MRM1: variants seen among roughly 807,000 people sequenced by gnomAD.
The protein encoded by MRM1 is mitochondrial rRNA methyltransferase 1.
Under a neutral mutation model 25.0 loss-of-function variants are expected in MRM1, and 24 were observed. The ratio of observed to expected loss-of-function variants is 0.96; its 90% CI spans 0.69 to 1.35. The LOEUF is 1.35. Among genes scored for constraint, MRM1 ranks in the 40% most tolerant of loss-of-function variants. MRM1 has a pLI of 0.00. For synonymous variants in MRM1, 188 were observed against 199.2 expected, an observed-to-expected ratio of 0.94 and a Z score of 0.47; for missense variants, 431 against 464.1, an observed-to-expected ratio of 0.93 and a Z score of 0.65.
chr17:36,615,359 T>C, the MRM1 span, among the ~76,000 whole-genome samples: 1 of 152,078 alleles, frequency 6.6e-6, no homozygotes, highest in Non-Finnish European at 1.5e-5. Context: ...ATCTGCAACC[T>C]GAGAAAAAAA....
At chr17:36,610,040 C>T (rs147998491), downstream of MRM1, among the ~76,000 whole-genome samples, 462 of 151,956 alleles carry the variant, frequency 3.0e-3, 6 homozygotes, top group African/African-American at 0.011. Flanking sequence ...ATTCTCCTGC[C>T]TCAGCCTTCC....
chr17:36,614,941 C>A, the MRM1 span, among the ~76,000 whole-genome samples: 1 of 152,318 alleles, frequency 6.6e-6, no homozygotes, highest in Admixed American at 6.5e-5. Flanking sequence ...ACCATTAGCA[C>A]CTCCAGAGAA....
At chr17:36,610,511 C>T (rs1009158749), downstream of MRM1, among the ~76,000 whole-genome samples, 19 of 152,084 alleles carry the variant, frequency 1.2e-4, no homozygotes, top group East Asian at 3.9e-4. Context: ...GGATTACAGG[C>T]GTGAGCCACT....
At chr17:36,608,139 A>G in intron 4 of MRM1, 104 bp from the exon 5 acceptor site, 1 of 1,526,442 alleles carries the variant, frequency 6.6e-7, no homozygotes. Flanking sequence ...CAAAATGGGG[A>G]AATTACATCC....
In MRM1 at chr17:36,602,636, G is replaced by A. The variant is rs745943028; in HGVS notation, c.626G>A (p.Gly209Glu). The A allele has an allele frequency of 6.2e-7, 1 of 1,614,070 alleles. No homozygotes were observed. Among genetic ancestry groups the A allele is most frequent in the Non-Finnish European group, 8.5e-7 (1 of 1,180,020 alleles). Reference sequence around the variant, plus strand: ...GTGTTCTCCACTGATGACCTCACCGGATTTTTACAGGTAATGAGGGGCAAG... The same window carrying A: ...GTGTTCTCCACTGATGACCTCACCGAATTTTTACAGGTAATGAGGGGCAAG... Reference protein sequence around the residue: ...MDVFSTDDLTGFLQTKAQQGW... With the variant: ...MDVFSTDDLTEFLQTKAQQGW... Residue 209 changes from glycine (G) to glutamate (E), a missense_variant, in exon 2 of 5, where the codon GGA becomes GAA. Physicochemically the swap from Gly to Glu is moderately conservative, Grantham distance 98 (BLOSUM62 -2). Transcript: ENST00000614766. The surrounding 1 kb of genome is among the most constrained non-coding windows in gnomAD (Gnocchi z 4.1).
chr17:36,602,197 GC>G lies in MRM1; in HGVS notation c.389del (p.Pro130LeufsTer58). 6.2e-7 allele frequency: 1 copy of G among 1,610,618 alleles called. No individual in the cohort carries two copies. Among genetic ancestry groups the G allele is most frequent in the Non-Finnish European group, 8.5e-7 (1 of 1,177,994 alleles). On this transcript the variant is annotated frameshift_variant, in exon 1 of 5. Transcript: ENST00000614766. LOFTEE classifies it high-confidence loss of function. The surrounding 1 kb of genome is among the most constrained non-coding windows in gnomAD (Gnocchi z 4.1). Reference sequence around the variant, plus strand: ...TGGAGGTGAGCCCGCTGCGGCCCCGGCCTTGGAGAGAGGCCGGGGAGGCGAG... The same window carrying G: ...TGGAGGTGAGCCCGCTGCGGCCCCGGCTTGGAGAGAGGCCGGGGAGGCGAG... The part of the protein sequence containing the change: ...CMEVSPLRPR[P>X]WREAGEASPG...
chr17:36,628,621 G>A, the MRM1 span, among the ~76,000 whole-genome samples: 4 of 152,104 alleles, frequency 2.6e-5, no homozygotes, highest in Non-Finnish European at 5.9e-5. Flanking sequence ...CTGCAGAAGC[G>A]GACCCCCAGA....
intron 2 of MRM1, among the ~76,000 whole-genome samples, chr17:36,606,354 G>T (rs991995699): frequency 6.6e-6 from 1 of 151,916 alleles, no homozygotes; most frequent in African/African-American, 2.4e-5. Flanking sequence ...GACTGGATCA[G>T]CAGATAAATG....
the MRM1 span, among the ~76,000 whole-genome samples, chr17:36,622,298 G>A: frequency 6.6e-6 from 1 of 152,080 alleles, no homozygotes; most frequent in Non-Finnish European, 1.5e-5. Flanking sequence ...CAGACTGGGC[G>A]TGGTGGCTCA....
downstream of MRM1, among the ~76,000 whole-genome samples, chr17:36,610,000 A>G (rs1419545415): frequency 1.3e-5 from 2 of 152,044 alleles, no homozygotes; most frequent in East Asian, 1.9e-4. Context: ...ATCTTGGCTC[A>G]CTGCATCCTC....
At chr17:36,624,195 C>A in the MRM1 span, among the ~76,000 whole-genome samples, 1 of 152,218 alleles carries the variant, frequency 6.6e-6, no homozygotes, top group Non-Finnish European at 1.5e-5. The surrounding 1 kb of genome is among the most constrained non-coding windows in gnomAD (Gnocchi z 4.0). Flanking sequence ...GTCCTGGAGC[C>A]TCCCTCAGAC....
chr17:36,626,525 G>A, the MRM1 span, among the ~76,000 whole-genome samples: 2 of 152,100 alleles, frequency 1.3e-5, no homozygotes, highest in African/African-American at 4.8e-5. Flanking sequence ...ACCACACCTG[G>A]CTAATTTTTG....
At chr17:36,621,554 AC>A in the MRM1 span, among the ~76,000 whole-genome samples, 1 of 152,088 alleles carries the variant, frequency 6.6e-6, no homozygotes, top group South Asian at 2.1e-4. Flanking sequence ...TGCACATTGC[AC>A]CCAGAGATCC....
At chr17:36,607,563 C>A in intron 2 of MRM1, 107 bp from the exon 3 acceptor site, 9 of 1,349,296 alleles carry the variant, frequency 6.7e-6, no homozygotes, top group Non-Finnish European at 9.0e-6. Context: ...GTTGAGGCTG[C>A]GGTGAGCTGT....
chr17:36,623,008 C>A, the MRM1 span, among the ~76,000 whole-genome samples: 2 of 152,226 alleles, frequency 1.3e-5, no homozygotes, highest in Non-Finnish European at 2.9e-5. Context: ...GCCCCACGCC[C>A]CAGGGTGGGC....
At chr17:36,603,356 A>G (rs1002997561) in intron 2 of MRM1, 1 of 223,224 alleles carries the variant, frequency 4.5e-6, no homozygotes, top group Non-Finnish European at 7.5e-6. Context: ...TGTGTCCAGT[A>G]TATCCAAAAT....
At chr17:36,619,080 C>T in the MRM1 span, among the ~76,000 whole-genome samples, 1 of 152,200 alleles carries the variant, frequency 6.6e-6, no homozygotes, top group Non-Finnish European at 1.5e-5. Flanking sequence ...TGGCAAACAC[C>T]ATTCTCTGTT....
At chr17:36,610,065 A>G (rs774565515), downstream of MRM1, among the ~76,000 whole-genome samples, 1 of 151,656 alleles carries the variant, frequency 6.6e-6, no homozygotes, top group Non-Finnish European at 1.5e-5. Context: ...GGCTGGGACT[A>G]CAGGCGTGCA....
chr17:36,602,260 C>T lies in MRM1; in HGVS notation c.450C>T (p.Leu150=). ...ACCCCCAGCAGTTGTGGCTCGTCCT[C>T]GATGGGATCCAGGATCCCCGGAATT... ...GDDPQQLWLV[L]DGIQDPRNFG... The change falls in exon 1 of 5, where the codon CTC becomes CTT. Residue 150 remains leucine, a synonymous_variant. Coordinates refer to ENST00000614766, the MANE Select transcript of MRM1 (RefSeq NM_024864.5). The surrounding 1 kb of genome is among the most constrained non-coding windows in gnomAD (Gnocchi z 4.1). 1 of 1,606,802 alleles carries T rather than the reference C, an allele frequency of 6.2e-7. No homozygotes were observed. Among genetic ancestry groups the T allele is most frequent in the Non-Finnish European group, 8.5e-7 (1 of 1,175,430 alleles).
Sources: gnomAD v4.1 joint callset for allele counts (sites outside exome capture counted in the v4.1 genomes callset) on GRCh38, gnomAD v4.1.1 for gene constraint, Gnocchi (gnomAD v3.1) non-coding constraint, MANE v1.5 for transcripts, NCBI Gene and HGNC (gene_info 2026-07-23, HGNC 2026-07-21) for gene names.